The following RB1 variants were observed in gnomAD, a reference collection of about 807,000 sequenced individuals.
The protein encoded by RB1 is retinoblastoma-associated protein.
In RB1, 18 loss-of-function variants were observed where a neutral mutation model predicts 135.4. The observed-to-expected ratio is 0.13, with a 90% CI of 0.09 to 0.20. The LOEUF is 0.20. Among genes scored for constraint, RB1 ranks in the 10% least tolerant of loss-of-function variants. The pLI is 1.00. For synonymous variants in RB1, 365 were observed against 373.2 expected, an observed-to-expected ratio of 0.98 and a Z score of 0.25; for missense variants, 868 against 1,110.0, an observed-to-expected ratio of 0.78 and a Z score of 3.10.
intron 17 of RB1, among the ~76,000 whole-genome samples, chr13:48,404,982 A>G (rs144554267): frequency 2.0e-5 from 3 of 152,334 alleles, no homozygotes; most frequent in East Asian, 1.9e-4. Flanking sequence ...TGACAGCAAA[A>G]TGAAATTTGG....
At chr13:48,317,887 C>A (rs1053905224) in intron 2 of RB1, 5 of 401,250 alleles carry the variant, frequency 1.2e-5, no homozygotes, top group Non-Finnish European at 2.4e-5. Flanking sequence ...GAATGAGCCC[C>A]ATTTCCCGAG....
Position 48,479,988 on chromosome 13 carries a change from C to T in RB1, c.2714-10C>T, listed in dbSNP as rs1060504825. 9 of 1,610,924 alleles carry T rather than the reference C, an allele frequency of 5.6e-6. No homozygotes were observed. Among genetic ancestry groups the T allele is most frequent in the Non-Finnish European group, 7.6e-6 (9 of 1,177,880 alleles). On this transcript the variant is annotated splice_polypyrimidine_tract_variant and intron_variant, in intron 26 of 26. Coordinates refer to ENST00000267163, the MANE Select transcript of RB1 (RefSeq NM_000321.3). ...TCAATGCTGTTAACAGTTCTTCATC[C>T]TTTTTCCAGCTTCTACTCGAACACG...
chr13:48,432,318 A>G (rs182782545), intron 17 of RB1, among the ~76,000 whole-genome samples: 3 of 151,872 alleles, frequency 2.0e-5, no homozygotes, highest in Admixed American at 2.0e-4. Context: ...CTTTGGGGCA[A>G]ATAGAAATTT....
chr13:48,361,944 T>TC (rs1185954234), intron 7 of RB1, among the ~76,000 whole-genome samples: 5 of 147,534 alleles, frequency 3.4e-5, no homozygotes, highest in African/African-American at 1.2e-4. Flanking sequence ...CATCTGTAAT[T>TC]TTTTTTTTTT....
intron 5 of RB1, 89 bp from the exon 6 acceptor site, chr13:48,348,867 A>G (rs1952521391): frequency 2.0e-6 from 3 of 1,485,982 alleles, no homozygotes; most frequent in Admixed American, 4.3e-5. Context: ...TTAATGCACA[A>G]AAAGAAACAC....
chr13:48,336,213 G>A (rs1352306406), intron 2 of RB1, among the ~76,000 whole-genome samples: 1 of 152,134 alleles, frequency 6.6e-6, no homozygotes, highest in East Asian at 1.9e-4. Flanking sequence ...ATGAATTAGG[G>A]AGGATTCCCT....
intron 20 of RB1, among the ~76,000 whole-genome samples, chr13:48,461,594 A>G (rs1346628355): frequency 6.6e-6 from 1 of 152,032 alleles, no homozygotes; most frequent in Non-Finnish European, 1.5e-5. Context: ...TGGCTATACC[A>G]TTTTACATGC....
chr13:48,341,351 T>C (rs932031720), intron 2 of RB1: 2 of 152,054 alleles, frequency 1.3e-5, no homozygotes, highest in African/African-American at 4.8e-5. Context: ...GGGTTGTTTG[T>C]AGTTTTTGGC....
intron 17 of RB1, chr13:48,429,267 T>C (rs1361491501): frequency 2.0e-5 from 3 of 152,156 alleles, no homozygotes; most frequent in Admixed American, 1.3e-4. Context: ...CTAGAAAGGA[T>C]TGCTAGGTGC....
intron 2 of RB1, chr13:48,317,490 G>A: frequency 8.9e-6 from 4 of 449,172 alleles, no homozygotes; most frequent in South Asian, 2.2e-5. Flanking sequence ...CCCGGCTCCC[G>A]CAGCCCATGT....
intron 26 of RB1, among the ~76,000 whole-genome samples, chr13:48,478,376 T>A (rs1949516897): frequency 6.6e-6 from 1 of 152,200 alleles, no homozygotes; most frequent in Non-Finnish European, 1.5e-5. Context: ...CTTTTTGGAT[T>A]TTATGTCAAC....
intron 2 of RB1, chr13:48,317,356 T>G: frequency 2.6e-6 from 1 of 381,138 alleles, no homozygotes; most frequent in Non-Finnish European, 4.7e-6. Context: ...CCGCCTCCAC[T>G]CCGCATCTCT....
intron 17 of RB1, among the ~76,000 whole-genome samples, chr13:48,403,132 T>C (rs1468840784): frequency 6.6e-6 from 1 of 152,206 alleles, no homozygotes; most frequent in Non-Finnish European, 1.5e-5. Flanking sequence ...TTTAAAGATC[T>C]CCTGTGTTTT....
At chr13:48,359,281 T>A (rs1952617765) in intron 6 of RB1, among the ~76,000 whole-genome samples, 1 of 151,766 alleles carries the variant, frequency 6.6e-6, no homozygotes, top group African/African-American at 2.4e-5. Flanking sequence ...ACTTTAAAGA[T>A]TTTATGGTGA....
intron 17 of RB1, among the ~76,000 whole-genome samples, chr13:48,418,908 A>C (rs1209990142): frequency 6.6e-6 from 1 of 152,084 alleles, no homozygotes; most frequent in Non-Finnish European, 1.5e-5. Flanking sequence ...GAGACCTACA[A>C]AGAGACTTAG....
At position 48,399,795 on chromosome 13, in the gene RB1, A is replaced by C. The variant is rs73197551; in HGVS notation, c.1695+18352A>C. 8.9e-3 allele frequency among the ~76,000 whole-genome samples: 1,351 copies of C among 152,144 alleles called. 10 individuals carry two copies. Among genetic ancestry groups the C allele is most frequent in the Non-Finnish European group, 0.014 (945 of 67,894 alleles). On this transcript the variant is annotated intron_variant, in intron 17 of 26. Transcript: ENST00000267163. ...CTAAACCTTTGCTCAAGTAACTTGT[A>C]GTACCTGAGTCCTATGTCTGATCCC...
chr13:48,334,852 A>G (rs1952368991), intron 2 of RB1, among the ~76,000 whole-genome samples: 1 of 152,178 alleles, frequency 6.6e-6, no homozygotes, highest in Non-Finnish European at 1.5e-5. Context: ...TAATCTCTTC[A>G]AGTACTGAGT....
chr13:48,434,292 T>C (rs941447378), intron 17 of RB1, among the ~76,000 whole-genome samples: 4 of 151,884 alleles, frequency 2.6e-5, no homozygotes, highest in African/African-American at 7.3e-5. Flanking sequence ...ATTTAATAAA[T>C]AAATAAATAA....
At chr13:48,364,792 T>C in intron 8 of RB1, 102 bp from the exon 9 acceptor site, 1 of 1,315,924 alleles carries the variant, frequency 7.6e-7, no homozygotes. Flanking sequence ...TTTTACTGCA[T>C]GGGGGATTGA....
Sources: allele counts gnomAD v4.1 joint callset (sites outside exome capture counted in the v4.1 genomes callset), GRCh38; gene constraint gnomAD v4.1.1; transcripts MANE v1.5; gene names NCBI Gene and HGNC (gene_info 2026-07-23, HGNC 2026-07-21).